The following PPP2R1B variants were observed in gnomAD, a reference collection of about 807,000 sequenced individuals.
The protein encoded by PPP2R1B is protein phosphatase 2 scaffold subunit Abeta, also known as serine/threonine-protein phosphatase 2A 65 kDa regulatory subunit A beta isoform.
A neutral mutation model predicts 72.7 loss-of-function variants in PPP2R1B; 58 were observed. That is an observed-to-expected ratio of 0.80 (90% CI 0.65 to 0.99). The LOEUF (loss-of-function observed/expected upper bound fraction) is 0.99. Ranked by LOEUF, PPP2R1B falls within the 50% of genes least tolerant of loss-of-function variation. PPP2R1B has a pLI of 0.00. For missense variants in PPP2R1B, 695 were observed against 733.6 expected, an observed-to-expected ratio of 0.95 and a Z score of 0.61; for synonymous variants, 256 against 264.6, an observed-to-expected ratio of 0.97 and a Z score of 0.32.
At chr11:111,752,722 T>C (rs1181066785) in intron 9 of PPP2R1B, among the ~76,000 whole-genome samples, 1 of 152,134 alleles carries the variant, frequency 6.6e-6, no homozygotes, top group Non-Finnish European at 1.5e-5. Flanking sequence ...ACACCTGTAA[T>C]CCCAGCACTT....
At chr11:111,766,119 C>T (rs961141981) in intron 1 of PPP2R1B, 129 bp downstream of exon 1, 7 of 835,394 alleles carry the variant, frequency 8.4e-6, no homozygotes, top group Non-Finnish European at 1.3e-5. Context: ...CCCCGCCTCC[C>T]CTTCAAGTTT....
In PPP2R1B at chr11:111,760,861, C is replaced by A. The variant is rs1555051111; in HGVS notation, c.497G>T (p.Cys166Phe). 1 of 1,614,160 alleles carries A rather than the reference C, an allele frequency of 6.2e-7. No homozygotes were observed. The highest frequency in any genetic ancestry group is 1.1e-5 in the South Asian group (1 of 91,076). Residue 166 changes from cysteine (C) to phenylalanine (F), a missense_variant, in exon 4 of 15, where the codon TGC (cysteine) becomes TTC (phenylalanine). Coordinates refer to ENST00000527614, the MANE Select transcript of PPP2R1B (RefSeq NM_002716.5). ...AACAGCATTTGATGCCCTGGGATAG[C>A]AAACGCTGAACAAACCACATGCAGA... The part of the protein sequence containing the change: ...RTSACGLFSV[C>F]YPRASNAVKA...
chr11:111,747,704 A>G (rs1411352445), intron 11 of PPP2R1B, among the ~76,000 whole-genome samples: 1 of 152,252 alleles, frequency 6.6e-6, no homozygotes, highest in African/African-American at 2.4e-5. Context: ...GATGGTCTGA[A>G]GATAATGTAA....
intron 10 of PPP2R1B, among the ~76,000 whole-genome samples, chr11:111,749,794 G>A (rs1944835679): frequency 6.6e-6 from 1 of 152,190 alleles, no homozygotes; most frequent in Non-Finnish European, 1.5e-5. Context: ...ACCCCTGCCA[G>A]ACAGGTGTAA....
chr11:111,751,554 G>T (rs1358947547), intron 10 of PPP2R1B, among the ~76,000 whole-genome samples: 1 of 152,142 alleles, frequency 6.6e-6, no homozygotes, highest in Non-Finnish European at 1.5e-5. Context: ...TTGCATTTTT[G>T]AATTTGGGCT....
At position 111,739,469 on chromosome 11, in the gene PPP2R1B, T is replaced by C. The variant is rs1021560987; in HGVS notation, c.*2127A>G. 7 of 985,272 alleles carry C rather than the reference T, an allele frequency of 7.1e-6. No individual in the cohort carries two copies. Among genetic ancestry groups the C allele is most frequent in the Non-Finnish European group, 8.4e-6 (7 of 829,892 alleles). The allele number at this position is 985,272 out of a possible 1,614,324, so 61.0% of individuals were successfully genotyped here. On this transcript the variant is annotated 3_prime_UTR_variant, in exon 15 of 15. Coordinates refer to ENST00000527614, the MANE Select transcript of PPP2R1B (RefSeq NM_002716.5). ...TATTGCTTAAGTCAGAAGGAAACAATGAAACCCCTGAGGGGTCACCACAAA... is the reference window on the plus strand; with the variant it reads ...TATTGCTTAAGTCAGAAGGAAACAACGAAACCCCTGAGGGGTCACCACAAA...
intron 1 of PPP2R1B, 71 bp downstream of exon 1, chr11:111,766,177 C>T: frequency 6.7e-7 from 1 of 1,496,922 alleles, no homozygotes; most frequent in South Asian, 1.1e-5. Flanking sequence ...CCCACCGCGA[C>T]GCAGGCCTTC....
At chr11:111,722,772 T>C (rs372990963), downstream of PPP2R1B, 27 of 1,609,874 alleles carry the variant, frequency 1.7e-5, no homozygotes, top group African/African-American at 3.1e-4. This position sits in a 1 kb window ranked among gnomAD's most constrained non-coding sequence, Gnocchi z 4.4. Flanking sequence ...AAGGGGACTT[T>C]GGCCAAAGAA....
the PPP2R1B span, chr11:111,688,079 A>G: frequency 6.2e-7 from 1 of 1,614,156 alleles, no homozygotes; most frequent in Non-Finnish European, 8.5e-7. The surrounding 1 kb of genome is among the most constrained non-coding windows in gnomAD (Gnocchi z 4.2). Context: ...GCTGTTGATT[A>G]TTGTCATGGT....
At chr11:111,713,921 C>G in the PPP2R1B span, among the ~76,000 whole-genome samples, 1 of 152,070 alleles carries the variant, frequency 6.6e-6, no homozygotes, top group East Asian at 1.9e-4. Context: ...GAGCCGAGAT[C>G]GTGCCATTGC....
intron 5 of PPP2R1B, among the ~76,000 whole-genome samples, chr11:111,755,930 C>T (rs929289977): frequency 2.0e-5 from 3 of 151,234 alleles, no homozygotes; most frequent in Non-Finnish European, 4.4e-5. Context: ...TGCTCCCGGC[C>T]GGGCCCAGTG....
At chr11:111,723,964 C>T, downstream of PPP2R1B, 1 of 1,614,140 alleles carries the variant, frequency 6.2e-7, no homozygotes, top group Non-Finnish European at 8.5e-7. Context: ...TGGATGGAGC[C>T]CAGCAGAGCG....
downstream of PPP2R1B, among the ~76,000 whole-genome samples, chr11:111,734,072 T>G (rs527984459): frequency 2.2e-4 from 33 of 152,342 alleles, no homozygotes; most frequent in African/African-American, 7.7e-4. Context: ...GAGCACAGGC[T>G]GGCTGGTTTC....
the PPP2R1B span, among the ~76,000 whole-genome samples, chr11:111,715,446 C>T: frequency 6.6e-6 from 1 of 152,218 alleles, no homozygotes; most frequent in Non-Finnish European, 1.5e-5. Context: ...TTGCATTTCT[C>T]CTCTCAACTG....
intron 4 of PPP2R1B, 61 bp downstream of exon 4, chr11:111,760,758 A>G: frequency 6.8e-7 from 1 of 1,468,948 alleles, no homozygotes. Context: ...GTAATCCCAA[A>G]TAACTCATAG....
At chr11:111,762,339 G>C (rs535840051) in intron 3 of PPP2R1B, among the ~76,000 whole-genome samples, 9 of 152,276 alleles carry the variant, frequency 5.9e-5, no homozygotes, top group African/African-American at 2.2e-4. Context: ...TCATTGAAAA[G>C]ATACTGTTTC....
the PPP2R1B span, chr11:111,712,175 A>G: frequency 1.9e-6 from 3 of 1,594,050 alleles, no homozygotes; most frequent in Non-Finnish European, 8.6e-7. Flanking sequence ...GAAGGTATTC[A>G]TGTTCCCAAA....
the PPP2R1B span, among the ~76,000 whole-genome samples, chr11:111,693,524 C>T: frequency 6.6e-6 from 1 of 152,118 alleles, no homozygotes. Flanking sequence ...CCTGTTTTGG[C>T]CCTGGCTGTT....
chr11:111,736,422 A>G (rs373744658), downstream of PPP2R1B, among the ~76,000 whole-genome samples: 33 of 152,286 alleles, frequency 2.2e-4, no homozygotes, highest in African/African-American at 7.9e-4. Context: ...TTAGGCCTAA[A>G]AAATGTGTAA....
Sources: allele counts gnomAD v4.1 joint callset (sites outside exome capture counted in the v4.1 genomes callset), GRCh38; gene constraint gnomAD v4.1.1; non-coding constraint Gnocchi (gnomAD v3.1); transcripts MANE v1.5; gene names NCBI Gene and HGNC (gene_info 2026-07-23, HGNC 2026-07-21).